Variants in COL13A1 observed in about 807,000 individuals in gnomAD.
The protein encoded by COL13A1 is collagen type XIII alpha 1 chain.
In COL13A1, 89 loss-of-function variants were observed where a neutral mutation model predicts 130.9. That is an observed-to-expected ratio of 0.68 (90% CI 0.57 to 0.81). The LOEUF (loss-of-function observed/expected upper bound fraction) is 0.81. COL13A1 is among the 30% of genes least tolerant of loss of function. COL13A1 has a pLI of 0.00. For synonymous variants in COL13A1, 402 were observed against 341.6 expected (o/e 1.18, Z -1.95); for missense variants, 879 against 934.6 (o/e 0.94, Z 0.78).
intron 25 of COL13A1, 39 bp from the exon 26 acceptor site, chr10:69,925,765 C>A: frequency 6.5e-7 from 1 of 1,529,852 alleles, no homozygotes. Context: ...CCGGCCCTCC[C>A]GGTCCAGGCC....
chr10:69,929,075 C>T, intron 28 of COL13A1, 76 bp downstream of exon 28: 1 of 1,185,778 alleles, frequency 8.4e-7, no homozygotes, highest in Non-Finnish European at 1.2e-6. Flanking sequence ...CCCCTGTGAC[C>T]CTCTCATCTT....
At chr10:69,858,644 G>A (rs1010407486) in intron 2 of COL13A1, among the ~76,000 whole-genome samples, 2 of 152,206 alleles carry the variant, frequency 1.3e-5, no homozygotes, top group African/African-American at 2.4e-5. Context: ...GGGACTCTGG[G>A]AGCCAACTTC....
At chr10:69,864,611 A>T (rs1053515993) in intron 2 of COL13A1, among the ~76,000 whole-genome samples, 1 of 152,202 alleles carries the variant, frequency 6.6e-6, no homozygotes, top group Non-Finnish European at 1.5e-5. Context: ...TGACTCACAC[A>T]GTAGGCATTG....
chr10:69,906,944 T>G (rs1360699694), intron 17 of COL13A1, among the ~76,000 whole-genome samples: 1 of 152,138 alleles, frequency 6.6e-6, no homozygotes, highest in Non-Finnish European at 1.5e-5. Flanking sequence ...TTGGCCAGGA[T>G]GGTCTCGGTC....
rs2065741245 is a variant in COL13A1 at position 69,928,924 on chromosome 10, C to A, written c.1423-13C>A. The stretch of plus-strand genomic sequence containing the variant: ...GGGACAGTTCTTCCATGTGTCTTTC[C>A]TTTCTCTCCTAGGGGCCTCCTGGTC... On this transcript the variant is annotated splice_polypyrimidine_tract_variant and intron_variant, in intron 27 of 40. Transcript: ENST00000645393. The A allele has an allele frequency of 1.9e-6, 3 of 1,610,478 alleles. No individual in the cohort carries two copies. Among genetic ancestry groups the A allele is most frequent in the Non-Finnish European group, 1.7e-6 (2 of 1,177,374 alleles).
At chr10:69,843,282 A>G (rs1852113385) in intron 2 of COL13A1, among the ~76,000 whole-genome samples, 1 of 152,024 alleles carries the variant, frequency 6.6e-6, no homozygotes, top group Non-Finnish European at 1.5e-5. Flanking sequence ...GAAGAGGAGG[A>G]GGAGTTAAAG....
At chr10:69,898,579 T>A in intron 13 of COL13A1, 118 bp from the exon 14 acceptor site, 1 of 730,948 alleles carries the variant, frequency 1.4e-6, no homozygotes, top group Non-Finnish European at 2.3e-6. Flanking sequence ...CTCTTCTCTC[T>A]TCCTCTGCTC....
chr10:69,947,479 G>C, intron 38 of COL13A1, 137 bp downstream of exon 38: 2 of 814,640 alleles, frequency 2.5e-6, no homozygotes, highest in Non-Finnish European at 3.8e-6. Flanking sequence ...GGCTTTACAA[G>C]GAGGGCCTTA....
rs1322751409 is a variant in COL13A1 at position 69,844,822 on chromosome 10, C to T, written c.364+22384C>T. Among the ~76,000 whole-genome samples, 4 of 152,248 alleles carry T rather than the reference C, an allele frequency of 2.6e-5. No individual in the cohort carries two copies. The East Asian group carries it at 7.7e-4, about 29-fold the overall frequency. ...GAATGCAAACTGGAGAGGGTGGTGC[C>T]CCAGACTGTCAATTATAGCAGCAAT... On this transcript the variant is annotated intron_variant, in intron 2 of 40. Transcript: ENST00000645393.
At chr10:69,863,998 G>A (rs1182952280) in intron 2 of COL13A1, among the ~76,000 whole-genome samples, 5 of 152,086 alleles carry the variant, frequency 3.3e-5, no homozygotes, top group African/African-American at 1.2e-4. Context: ...AGCCCAGGGA[G>A]GCTGAGGCTG....
intron 17 of COL13A1, among the ~76,000 whole-genome samples, chr10:69,912,358 C>G (rs1405866712): frequency 6.6e-6 from 1 of 152,276 alleles, no homozygotes; most frequent in African/African-American, 2.4e-5. Flanking sequence ...CTAGGATTTC[C>G]GCGGTTCCGG....
intron 21 of COL13A1, among the ~76,000 whole-genome samples, chr10:69,921,262 A>G (rs1361121829): frequency 1.3e-5 from 2 of 152,070 alleles, no homozygotes; most frequent in Non-Finnish European, 2.9e-5. Flanking sequence ...CCATCTCCAT[A>G]TGGCATTTCC....
In COL13A1 at chr10:69,930,471, A is replaced by G. The variant is rs1589598933; in HGVS notation, c.1602A>G (p.Pro534=). The part of the protein sequence containing the change: ...PQGPPGKDGP[P]GVKGENGHPG... ...GCCCCCCAGGAAAGGATGGACCTCC[A>G]GGAGTGAAGGGAGAAAACGGGCACC... Residue 534 remains proline, a synonymous_variant, in exon 30 of 41, where the codon CCA becomes CCG. Coordinates refer to ENST00000645393, the MANE Select transcript of COL13A1 (RefSeq NM_001368882.1). The G allele has an allele frequency of 1.9e-6, 3 of 1,613,860 alleles. No homozygotes were observed. Among genetic ancestry groups the G allele is most frequent in the Non-Finnish European group, 2.5e-6 (3 of 1,179,800 alleles).
chr10:69,923,275 C>T (rs2064925684), intron 23 of COL13A1, among the ~76,000 whole-genome samples: 1 of 152,222 alleles, frequency 6.6e-6, no homozygotes, highest in African/African-American at 2.4e-5. Context: ...TGGTAGGTGG[C>T]AGCAGTGGAG....
At chr10:69,904,854 C>G in intron 15 of COL13A1, 79 bp from the exon 16 acceptor site, 1 of 1,472,466 alleles carries the variant, frequency 6.8e-7, no homozygotes, top group South Asian at 1.2e-5. Context: ...CCCCTAGGGT[C>G]TACTGTAAGT....
intron 19 of COL13A1, 32 bp from the exon 20 acceptor site, chr10:69,919,030 T>C: frequency 1.2e-6 from 2 of 1,613,922 alleles, no homozygotes; most frequent in East Asian, 2.2e-5. Context: ...GCTTTTTCTG[T>C]CTCTCACATT....
At chr10:69,828,277 C>T (rs1000585691) in intron 2 of COL13A1, among the ~76,000 whole-genome samples, 1 of 152,066 alleles carries the variant, frequency 6.6e-6, no homozygotes. Context: ...GTCCTCCCCA[C>T]CCCCATCTCT....
At chr10:69,824,180 A>T (rs1846903289) in intron 2 of COL13A1, 2 of 471,864 alleles carry the variant, frequency 4.2e-6, no homozygotes, top group Admixed American at 4.7e-5. Context: ...CCAGCAAGGT[A>T]GAGATTCCTC....
chr10:69,805,683 G>A (rs139615183), intron 1 of COL13A1, among the ~76,000 whole-genome samples: 29 of 152,298 alleles, frequency 1.9e-4, no homozygotes, highest in African/African-American at 6.0e-4. Flanking sequence ...GCTGTGCTAC[G>A]AGCAGCTTCT....
Sources: allele counts gnomAD v4.1 joint callset (sites outside exome capture counted in the v4.1 genomes callset), GRCh38; gene constraint gnomAD v4.1.1; transcripts MANE v1.5; gene names NCBI Gene and HGNC (gene_info 2026-07-23, HGNC 2026-07-21).